Variants in CDK11A observed in about 807,000 individuals in gnomAD.
CDK11A encodes the protein cyclin-dependent kinase 11A.
Under a neutral mutation model 83.6 loss-of-function variants are expected in CDK11A, and 55 were observed. The ratio of observed to expected loss-of-function variants is 0.66; its 90% CI spans 0.53 to 0.82. The LOEUF is 0.82. Among genes scored for constraint, CDK11A ranks in the 40% least tolerant of loss-of-function variants. The pLI is 0.00. For synonymous variants in CDK11A, 247 were observed against 302.7 expected, an observed-to-expected ratio of 0.82 and a Z score of 1.91; for missense variants, 564 against 810.1, an observed-to-expected ratio of 0.70 and a Z score of 3.69.
At chr1:1,704,741 G>A in intron 13 of CDK11A, 86 bp from the exon 14 acceptor site, 3 of 1,601,048 alleles carry the variant, frequency 1.9e-6, no homozygotes, top group Admixed American at 3.4e-5. Context: ...GGGACAGTAA[G>A]GACCTCCGGT....
rs1137010 is a variant in CDK11A at position 1,724,317 on chromosome 1, G to A, written c.-73C>T. ...AAGAAACAGCAACCGGCGCTCGCCA[G>A]AAGTATCCTCACTTCCTGTGTTGAC... On this transcript the variant is annotated 5_prime_UTR_variant, in exon 1 of 20. Coordinates refer to ENST00000404249, the MANE Select transcript of CDK11A (RefSeq NM_024011.4). 1.1e-4 allele frequency: 17 copies of A among 151,778 alleles called. 1 individual carries two copies. The highest frequency in any genetic ancestry group is 2.4e-4 in the Non-Finnish European group (16 of 67,856). 9.4% of individuals were successfully genotyped at this position (151,778 alleles called of 1,614,324 possible).
chr1:1,710,441 T>A (rs1644459401), intron 6 of CDK11A, among the ~76,000 whole-genome samples: 3 of 68,078 alleles, frequency 4.4e-5, no homozygotes, highest in African/African-American at 8.5e-5. Context: ...AGACCCTGAG[T>A]TTCCACAACA....
rs541572152 is a variant in CDK11A, at chr1:1,718,091, C to G, written c.355+1237G>C. 3.6e-5 allele frequency among the ~76,000 whole-genome samples: 5 copies of G among 139,836 alleles called. No individual in the cohort carries two copies. In the South Asian group the frequency reaches 1.2e-3, roughly 33 times the overall value. 91.7% of individuals were successfully genotyped at this position (139,836 alleles called of 152,430 possible). ...ATGGTCTGTGACACACGCACGCTTT[C>G]AGCTAGAGTTTGCTCTTTCTGGTTT... On this transcript the variant is annotated intron_variant, in intron 4 of 19. Transcript: ENST00000404249.
chr1:1,702,583 A>G lies in CDK11A; in HGVS notation c.*324T>C. 1 of 216,650 alleles carries G rather than the reference A, an allele frequency of 4.6e-6. No homozygotes were observed. Among genetic ancestry groups the G allele is most frequent in the South Asian group, 5.8e-5 (1 of 17,252 alleles). The allele number at this position is 216,650 out of a possible 1,614,324, so 13.4% of individuals were successfully genotyped here. The stretch of plus-strand genomic sequence containing the variant: ...GGTCTCCAGCTCCGAAGATTAAACA[A>G]TCCACCCGGCTCCCACCAGTTCCTT... On this transcript the variant is annotated 3_prime_UTR_variant, in exon 20 of 20. Coordinates refer to ENST00000404249, the MANE Select transcript of CDK11A (RefSeq NM_024011.4).
rs771650414 is a variant in CDK11A at position 1,703,824 on chromosome 1, C to G, written c.1911G>C (p.Lys637Asn). 1.7e-5 allele frequency: 27 copies of G among 1,609,700 alleles called. 1 individual carries two copies. The highest frequency in any genetic ancestry group is 1.7e-4 in the Middle Eastern group (1 of 6,034). Residue 637 changes from lysine to asparagine, a missense_variant and splice_region_variant, in exon 17 of 20, where the codon AAG becomes AAC. By Grantham distance (94) the Lys-to-Asn change is moderately conservative. Transcript: ENST00000404249. ...SEIDQINKVFKELGTPSEKIW... is the reference protein window; with the variant it reads ...SEIDQINKVFNELGTPSEKIW... ...GCACCTGCGGCAGGGCCAGACCCAC[C>G]TTGAACACTTTGTTGATCTGATCGA...
At chr1:1,704,493 G>A (rs1303088594) in intron 14 of CDK11A, 57 bp downstream of exon 14, 1 of 1,574,234 alleles carries the variant, frequency 6.4e-7, no homozygotes, top group Admixed American at 1.8e-5. Context: ...CACCGCGGGG[G>A]TGACCAGGAC....
In CDK11A at chr1:1,703,961, T is replaced by C. The variant is rs758188235; in HGVS notation, c.1795-21A>G. ...TATTCCTAAGACGCCAGGAGAGGTG[T>C]TCAGGAAGGCCAGTGCCCGCGAAGC... On this transcript the variant is annotated intron_variant, in intron 16 of 19. Transcript: ENST00000404249. 8.1e-6 allele frequency: 13 copies of C among 1,608,920 alleles called. 1 individual carries two copies. In the South Asian group the frequency reaches 1.4e-4, roughly 18 times the overall value.
At position 1,708,921 on chromosome 1, in the gene CDK11A, C is replaced by CTCT. The variant is rs1169975551; in HGVS notation, c.873_875dup (p.Glu301dup). 4.8e-6 allele frequency: 4 copies of CTCT among 841,976 alleles called. No homozygotes were observed. The highest frequency in any genetic ancestry group is 1.8e-5 in the African/African-American group (1 of 56,204). The allele number at this position is 841,976 out of a possible 1,614,324, so 52.2% of individuals were successfully genotyped here. A position where few individuals can be genotyped will look rare whatever the true frequency, so the allele number is the denominator to read the frequency against. On this transcript the variant is annotated inframe_insertion, in exon 9 of 20. Coordinates refer to ENST00000404249, the MANE Select transcript of CDK11A (RefSeq NM_024011.4). ...CCTCCTCCTCCTCTTCCTCCTCCTCCTCTTCTTCCTCAGAACCTGAGCCTG... is the reference window on the plus strand; with the variant it reads ...CCTCCTCCTCCTCTTCCTCCTCCTCCTCTTCTTCTTCCTCAGAACCTGAGCCTG...
rs1401677742 is a variant in CDK11A at position 1,708,376 on chromosome 1, C to A, written c.1004-131G>T. On this transcript the variant is annotated intron_variant, in intron 9 of 19. Coordinates refer to ENST00000404249, the MANE Select transcript of CDK11A (RefSeq NM_024011.4). ...GATATGGAGGCTGGGCGCGGTGGCT[C>A]ACGCCTGTAATCCCAGTGCTTTGGG... 8 of 1,432,490 alleles carry A rather than the reference C, an allele frequency of 5.6e-6. No homozygotes were observed. In the African/African-American group the frequency reaches 8.2e-5, roughly 15 times the overall value. 88.7% of individuals were successfully genotyped at this position (1,432,490 alleles called of 1,614,324 possible). A position where few individuals can be genotyped will look rare whatever the true frequency, so the allele number is the denominator to read the frequency against.
Position 1,704,038 on chromosome 1 carries a change from C to T in CDK11A, c.1794+1G>A. The T allele has an allele frequency of 6.3e-7, 1 of 1,596,292 alleles. No homozygotes were observed. Among genetic ancestry groups the T allele is most frequent in the Non-Finnish European group, 8.6e-7 (1 of 1,169,226 alleles). ...GAGGCACTCAGACGCCCAGGACTCA[C>T]CTTGGCACCAAGCAGCAGCTCTGGG... On this transcript the variant is annotated splice_donor_variant, in intron 16 of 19. Transcript: ENST00000404249. LOFTEE classifies it high-confidence loss of function.
In CDK11A at chr1:1,719,340, A is replaced by G. The variant is rs1337533992; in HGVS notation, c.343T>C (p.Ser115Pro). 6.6e-7 allele frequency: 1 copy of G among 1,526,196 alleles called. No homozygotes were observed. The highest frequency in any genetic ancestry group is 1.4e-5 in the African/African-American group (1 of 70,308). The allele number at this position is 1,526,196 out of a possible 1,614,324, so 94.5% of individuals were successfully genotyped here. Reference sequence around the variant, plus strand: ...AATGCTTCTGTACCCCCTTCTGCTGAATGGCTATGATGCCTACATTTTTCT... The same window carrying G: ...AATGCTTCTGTACCCCCTTCTGCTGGATGGCTATGATGCCTACATTTTTCT... ...RKEKCRHHSH[S>P]AEGGKHARVK... The change falls in exon 4 of 20, where the codon TCA (serine) becomes CCA (proline). Residue 115 changes from serine (S) to proline (P), a missense_variant. Transcript: ENST00000404249.
chr1:1,703,593 G>C lies in CDK11A; in HGVS notation c.1943C>G (p.Pro648Arg). ...ELGTPSEKIW[P>R]GYSELPVVKK... is the part of the protein sequence containing the mutation. ...GACTACTGGGAGCTCACTGTAGCCG[G>C]GCCAGATTTTCTCACTGGGGGTCCC... is the stretch of plus-strand genomic sequence containing the variant. Residue 648 changes from proline to arginine, a missense_variant, in exon 18 of 20, where the codon CCC (proline) becomes CGC (arginine). This residue lies in a region of CDK11A where 361 missense variants were observed against 402.7 expected (regional missense o/e 0.90). Coordinates refer to ENST00000404249, the MANE Select transcript of CDK11A (RefSeq NM_024011.4). The C allele has an allele frequency of 6.3e-7, 1 of 1,595,494 alleles. No homozygotes were observed.
chr1:1,704,131 G>A lies in CDK11A; in HGVS notation c.1702C>T (p.Leu568=), dbSNP rs1644205529. ...AGAGGGGATCCGTACTCCCGCGCCAGCCCAAAATCACCCACCTGCAACGAC... is the reference window on the plus strand; with the variant it reads ...AGAGGGGATCCGTACTCCCGCGCCAACCCAAAATCACCCACCTGCAACGAC... ...AGILKVGDFG[L]AREYGSPLKA... Residue 568 remains leucine, a synonymous_variant, in exon 16 of 20, where the codon CTG becomes TTG. Coordinates refer to ENST00000404249, the MANE Select transcript of CDK11A (RefSeq NM_024011.4). The A allele has an allele frequency of 1.2e-6, 2 of 1,605,428 alleles. No homozygotes were observed. Among genetic ancestry groups the A allele is most frequent in the Non-Finnish European group, 1.7e-6 (2 of 1,174,896 alleles).
At chr1:1,705,276 A>G (rs1644268833) in intron 12 of CDK11A, among the ~76,000 whole-genome samples, 1 of 112,864 alleles carries the variant, frequency 8.9e-6, no homozygotes, top group Non-Finnish European at 1.6e-5. Context: ...CCCAGCGGCC[A>G]CGCCGACTCC....
rs1240371604 is a variant in CDK11A, at chr1:1,716,428, G to T, written c.406C>A (p.Arg136=). The T allele has an allele frequency of 6.2e-6, 10 of 1,607,868 alleles. No homozygotes were observed. Among genetic ancestry groups the T allele is most frequent in the Non-Finnish European group, 8.5e-6 (10 of 1,175,928 alleles). The part of the protein sequence containing the change: ...EREHERRKRH[R]EEQDKARREW... ...CGGCGAGCTTTATCCTGTTCTTCTC[G>T]ATGTCGTTTCCGACGTTCGTGCTCT... The change falls in exon 5 of 20, where the codon CGA becomes AGA. Residue 136 remains arginine (R), a synonymous_variant. Coordinates refer to ENST00000404249, the MANE Select transcript of CDK11A (RefSeq NM_024011.4).
chr1:1,716,173 C>T (rs1644633729), intron 5 of CDK11A, among the ~76,000 whole-genome samples, 173 bp downstream of exon 5: 1 of 145,958 alleles, frequency 6.9e-6, no homozygotes, highest in African/African-American at 2.5e-5. Flanking sequence ...TGAAAACTCA[C>T]TCCCTCAGGA....
chr1:1,715,593 G>A (rs11485873), intron 5 of CDK11A, among the ~76,000 whole-genome samples: 4 of 148,924 alleles, frequency 2.7e-5, no homozygotes, highest in East Asian at 2.0e-4. Flanking sequence ...CACACCCTTC[G>A]GCATCAACAA....
rs1248956566 is a variant in CDK11A, at chr1:1,708,317, C to T, written c.1004-72G>A. On this transcript the variant is annotated intron_variant, in intron 9 of 19. Transcript: ENST00000404249. Reference sequence around the variant, plus strand: ...GCTGCCACAGGCAGGATGCGGGCTCCGCTTCAGCTAAGCAACAAGTGTTCC... The same window carrying T: ...GCTGCCACAGGCAGGATGCGGGCTCTGCTTCAGCTAAGCAACAAGTGTTCC... The T allele has an allele frequency of 2.5e-5, 35 of 1,424,262 alleles. 2 individuals are homozygous for T. The East Asian group carries it at 2.9e-4, about 12-fold the overall frequency. The allele number at this position is 1,424,262 out of a possible 1,614,324, so 88.2% of individuals were successfully genotyped here.
At position 1,704,593 on chromosome 1, in the gene CDK11A, G is replaced by A. The variant is rs1644237684; in HGVS notation, c.1521C>T (p.Asp507=). 1.2e-6 allele frequency: 2 copies of A among 1,603,366 alleles called. No homozygotes were observed. The highest frequency in any genetic ancestry group is 1.4e-5 in the African/African-American group (1 of 73,916). ...IYIVMNYVEH[D]LKSLMETMKQ... The stretch of plus-strand genomic sequence containing the variant: ...TCATGGTCTCCATCAGGCTCTTGAG[G>A]TCGTGCTCCACGTAGTTCATCACGA... Residue 507 remains aspartate, a synonymous_variant, in exon 14 of 20, where the codon GAC becomes GAT. Transcript: ENST00000404249.
Sources: gnomAD v4.1 joint callset for allele counts (sites outside exome capture counted in the v4.1 genomes callset) on GRCh38, gnomAD v4.1.1 for gene constraint, gnomAD v4.1.1 regional missense constraint, MANE v1.5 for transcripts, NCBI Gene and HGNC (gene_info 2026-07-23, HGNC 2026-07-21) for gene names.